Variants in EVL observed in about 807,000 individuals in gnomAD.
EVL encodes the protein ena/VASP-like protein.
In EVL, 21 loss-of-function variants were observed where a neutral mutation model predicts 59.6. The observed-to-expected ratio is 0.35, with a 90% CI of 0.25 to 0.51. The LOEUF is 0.51. Ranked by LOEUF, EVL falls within the 20% of genes least tolerant of loss-of-function variation. The pLI is 0.97. For missense variants in EVL, 462 were observed against 546.6 expected (o/e 0.85, Z 1.54); for synonymous variants, 198 against 203.5 (o/e 0.97, Z 0.23).
chr14:100,141,651 C>T (rs931050846), intron 12 of EVL, 85 bp from the exon 13 acceptor site: 7 of 1,361,424 alleles, frequency 5.1e-6, no homozygotes, highest in Non-Finnish European at 7.2e-6. Context: ...CAGGAGACCC[C>T]AAGCCCTTTG....
intron 2 of EVL, among the ~76,000 whole-genome samples, chr14:100,094,510 G>A (rs539527935): frequency 6.6e-6 from 1 of 152,192 alleles, no homozygotes; most frequent in South Asian, 2.1e-4. Context: ...GGGAGGCCAA[G>A]GCGGGAGCAT....
intron 2 of EVL, among the ~76,000 whole-genome samples, chr14:100,094,171 T>G (rs1449308751): frequency 6.6e-6 from 1 of 152,156 alleles, no homozygotes. Context: ...AATTTCCCCA[T>G]TAGCTTACTG....
At chr14:100,087,776 C>G (rs1290349109) in intron 2 of EVL, among the ~76,000 whole-genome samples, 1 of 152,062 alleles carries the variant, frequency 6.6e-6, no homozygotes, top group Non-Finnish European at 1.5e-5. Context: ...CTGCTCTGCT[C>G]TGCTCTGCTC....
At chr14:100,013,336 G>T (rs902388519) in intron 1 of EVL, among the ~76,000 whole-genome samples, 1 of 152,244 alleles carries the variant, frequency 6.6e-6, no homozygotes, top group Non-Finnish European at 1.5e-5. Flanking sequence ...AGGGCAACTC[G>T]ATGGGTTTTT....
Position 100,108,594 on chromosome 14 carries a change from G to A in EVL, c.358+10936G>A, listed in dbSNP as rs993192946. Among the ~76,000 whole-genome samples the A allele has an allele frequency of 1.3e-5, 2 of 152,110 alleles. No individual in the cohort carries two copies. Among genetic ancestry groups the A allele is most frequent in the Admixed American group, 1.3e-4 (2 of 15,272 alleles). On this transcript the variant is annotated intron_variant, in intron 3 of 13. Coordinates refer to ENST00000392920, the MANE Select transcript of EVL (RefSeq NM_016337.3). This position sits in a 1 kb window ranked among gnomAD's most constrained non-coding sequence, Gnocchi z 4.1. The stretch of plus-strand genomic sequence containing the variant: ...GTTGTATCAGGCAGGGCCTTTGTAC[G>A]CCTCCATGCCAACAGCTACCCAAGT...
intron 1 of EVL, among the ~76,000 whole-genome samples, chr14:100,069,035 T>C (rs540040975): frequency 2.8e-4 from 42 of 152,346 alleles, no homozygotes; most frequent in African/African-American, 1.0e-3. Flanking sequence ...CTTGTTCTAC[T>C]GTATACTGTC....
chr14:100,101,405 C>T (rs1227267829), intron 3 of EVL, among the ~76,000 whole-genome samples: 1 of 152,182 alleles, frequency 6.6e-6, no homozygotes, highest in African/African-American at 2.4e-5. Flanking sequence ...CGCTTGAACC[C>T]AGGGGGCGGG....
At chr14:100,118,061 GT>G (rs1327294758) in intron 3 of EVL, among the ~76,000 whole-genome samples, 1 of 152,088 alleles carries the variant, frequency 6.6e-6, no homozygotes, top group African/African-American at 2.4e-5. Context: ...AAGTCAGGCT[GT>G]TCTGTTGGCC....
chr14:100,015,207 G>C (rs961466359), intron 1 of EVL, among the ~76,000 whole-genome samples: 9 of 152,204 alleles, frequency 5.9e-5, no homozygotes, highest in African/African-American at 1.9e-4. Context: ...CAAGTGAACT[G>C]TAATGAGATT....
At chr14:100,016,854 G>T (rs2061055079) in intron 1 of EVL, among the ~76,000 whole-genome samples, 1 of 152,126 alleles carries the variant, frequency 6.6e-6, no homozygotes, top group Non-Finnish European at 1.5e-5. Flanking sequence ...CTTTTTTTTA[G>T]CCCTGGCAGG....
intron 1 of EVL, among the ~76,000 whole-genome samples, chr14:100,040,215 C>T (rs529753044): frequency 2.1e-4 from 32 of 152,310 alleles, no homozygotes; most frequent in African/African-American, 7.5e-4. Context: ...TTTTTACCAG[C>T]TCCTTTTGTT....
upstream of EVL, among the ~76,000 whole-genome samples, chr14:100,062,407 T>C (rs2061852474): frequency 1.3e-5 from 2 of 151,746 alleles, no homozygotes. Context: ...AGAATGTATA[T>C]TGTAATCCCT....
At chr14:99,986,377 G>T (rs1250002852) in intron 1 of EVL, among the ~76,000 whole-genome samples, 1 of 151,860 alleles carries the variant, frequency 6.6e-6, no homozygotes, top group Non-Finnish European at 1.5e-5. Flanking sequence ...CAGCTTCAGG[G>T]TCCCGTTTAT....
At chr14:100,128,001 G>A (rs1485901582) in intron 5 of EVL, among the ~76,000 whole-genome samples, 2 of 152,236 alleles carry the variant, frequency 1.3e-5, no homozygotes, top group African/African-American at 2.4e-5. Context: ...GGAAGGGGCT[G>A]GATGGATGAT....
chr14:100,126,570 C>T (rs377654895), intron 4 of EVL, 137 bp from the exon 5 acceptor site: 4 of 817,456 alleles, frequency 4.9e-6, no homozygotes, highest in Admixed American at 2.1e-5. Flanking sequence ...TGGAGGCAGC[C>T]GTGGCACACA....
chr14:100,044,225 C>G (rs1438293536), intron 1 of EVL, among the ~76,000 whole-genome samples: 1 of 152,172 alleles, frequency 6.6e-6, no homozygotes, highest in African/African-American at 2.4e-5. Flanking sequence ...GGGGGATTCA[C>G]AACATGTGTG....
chr14:100,116,206 T>TC (rs1209017875), intron 3 of EVL, among the ~76,000 whole-genome samples: 1 of 152,124 alleles, frequency 6.6e-6, no homozygotes, highest in Non-Finnish European at 1.5e-5. Context: ...TGGCCCAGTC[T>TC]CACTGTAAAA....
intron 3 of EVL, among the ~76,000 whole-genome samples, chr14:100,120,205 C>T (rs954387917): frequency 3.9e-5 from 6 of 152,172 alleles, no homozygotes; most frequent in African/African-American, 9.7e-5. Flanking sequence ...CTCCGTGGCT[C>T]ACCTCCTAGG....
At chr14:100,085,969 A>T (rs1264744665) in intron 2 of EVL, among the ~76,000 whole-genome samples, 1 of 152,096 alleles carries the variant, frequency 6.6e-6, no homozygotes, top group East Asian at 1.9e-4. Flanking sequence ...CTACTAAAAA[A>T]TAAAAAAAAA....
Sources: allele counts gnomAD v4.1 joint callset (sites outside exome capture counted in the v4.1 genomes callset), GRCh38; gene constraint gnomAD v4.1.1; non-coding constraint Gnocchi (gnomAD v3.1); transcripts MANE v1.5; gene names NCBI Gene and HGNC (gene_info 2026-07-23, HGNC 2026-07-21).